The following PSMG4 variants were observed in gnomAD, a reference collection of about 807,000 sequenced individuals.
The protein encoded by PSMG4 is proteasome assembly chaperone 4.
PSMG4 carries 10 observed loss-of-function variants against 11.0 expected under a neutral mutation model. The ratio of observed to expected loss-of-function variants is 0.91; its 90% CI spans 0.56 to 1.54. The LOEUF (loss-of-function observed/expected upper bound fraction) is 1.54. PSMG4 is among the 40% of genes most tolerant of loss of function. The probability of loss-of-function intolerance (pLI) is 0.00; values close to 1 mark genes in which losing one functional copy is unlikely to be tolerated. For missense variants in PSMG4, 198 were observed against 160.9 expected (o/e 1.23, Z -1.25); for synonymous variants, 95 against 71.3 (o/e 1.33, Z -1.68).
chr6:3,263,724 C>T lies in PSMG4; in HGVS notation c.215C>T (p.Ser72Phe). Residue 72 changes from serine to phenylalanine, a missense_variant, in exon 2 of 3, where the codon TCC becomes TTC. Physicochemically the swap from Ser to Phe is radical, Grantham distance 155. Transcript: ENST00000438998. ...PVSTSLLGDT[S>F]DTTSTGLAQR... ...TCTACCTCCCTCCTTGGAGACACTT[C>T]CGACACGACCTCTACTGGCCTTGCC... is the stretch of plus-strand genomic sequence containing the variant. 3 of 1,551,192 alleles carry T rather than the reference C, an allele frequency of 1.9e-6. No homozygotes were observed. Among genetic ancestry groups the T allele is most frequent in the Non-Finnish European group, 2.6e-6 (3 of 1,146,706 alleles).
At chr6:3,258,675 C>T (rs1293659104), upstream of PSMG4, among the ~76,000 whole-genome samples, 1 of 152,130 alleles carries the variant, frequency 6.6e-6, no homozygotes, top group Admixed American at 6.5e-5. Flanking sequence ...GGAAACAAAG[C>T]GAGGGTGAGT....
chr6:3,259,243 G>A, intron 1 of PSMG4, 47 bp downstream of exon 1: 4 of 1,245,288 alleles, frequency 3.2e-6, no homozygotes, highest in Non-Finnish European at 4.0e-6. Context: ...CGGGGGCGCG[G>A]GGGCGCCGGG....
chr6:3,263,016 C>T (rs1246080545), intron 1 of PSMG4, among the ~76,000 whole-genome samples: 7 of 152,194 alleles, frequency 4.6e-5, no homozygotes, highest in Non-Finnish European at 1.0e-4. Context: ...GGAGCAGTTA[C>T]TCCCACATCG....
upstream of PSMG4, among the ~76,000 whole-genome samples, chr6:3,258,096 T>G (rs1350265389): frequency 6.6e-6 from 1 of 152,134 alleles, no homozygotes; most frequent in Non-Finnish European, 1.5e-5. Flanking sequence ...ACCTTCTCTC[T>G]TAACCCATCA....
chr6:3,264,199 T>A, intron 2 of PSMG4: 1 of 1,551,502 alleles, frequency 6.4e-7, no homozygotes, highest in Non-Finnish European at 8.7e-7. Flanking sequence ...CTCAGTGTGA[T>A]ACCGTTCAGG....
intron 1 of PSMG4, among the ~76,000 whole-genome samples, chr6:3,263,403 TGA>T (rs1245087847): frequency 6.6e-6 from 1 of 152,246 alleles, no homozygotes; most frequent in Admixed American, 6.5e-5. Context: ...CTTTGGAGTT[TGA>T]GACACTAAAA....
At chr6:3,255,666 A>T (rs1314374209), upstream of PSMG4, among the ~76,000 whole-genome samples, 1 of 152,196 alleles carries the variant, frequency 6.6e-6, no homozygotes, top group African/African-American at 2.4e-5. Context: ...CGAGAGCCTT[A>T]AGTGATTTGT....
upstream of PSMG4, among the ~76,000 whole-genome samples, chr6:3,256,655 C>A (rs1757776638): frequency 2.6e-5 from 4 of 152,204 alleles, no homozygotes; most frequent in African/African-American, 7.2e-5. Context: ...TTCTTGATTT[C>A]TTTTGATAGT....
chr6:3,259,304 T>G, intron 1 of PSMG4, 108 bp downstream of exon 1: 1 of 1,023,538 alleles, frequency 9.8e-7, no homozygotes, highest in Non-Finnish European at 1.2e-6. Flanking sequence ...CAGGGCGCCC[T>G]ACTCCCCCGA....
At chr6:3,261,994 C>T (rs1418544744) in intron 1 of PSMG4, among the ~76,000 whole-genome samples, 1 of 152,234 alleles carries the variant, frequency 6.6e-6, no homozygotes, top group Non-Finnish European at 1.5e-5. Context: ...TCCCTAAACT[C>T]CCACATGTGA....
intron 1 of PSMG4, among the ~76,000 whole-genome samples, chr6:3,263,177 A>G (rs1758056145): frequency 6.6e-6 from 1 of 152,208 alleles, no homozygotes; most frequent in Non-Finnish European, 1.5e-5. Flanking sequence ...CAAAGTCACA[A>G]GGCACTCGCT....
At position 3,267,756 on chromosome 6, in the gene PSMG4, C is replaced by T. The variant is rs760850660; in HGVS notation, c.*44C>T. On this transcript the variant is annotated 3_prime_UTR_variant, in exon 3 of 3. Transcript: ENST00000438998. Reference sequence around the variant, plus strand: ...AATTTGTAAACTTATGTACAATGTACGTGTAAATAAATGGATTGAATTTCA... The same window carrying T: ...AATTTGTAAACTTATGTACAATGTATGTGTAAATAAATGGATTGAATTTCA... 2.2e-5 allele frequency: 34 copies of T among 1,528,238 alleles called. No homozygotes were observed. Among genetic ancestry groups the T allele is most frequent in the Admixed American group, 2.0e-4 (10 of 49,154 alleles). The allele number at this position is 1,528,238 out of a possible 1,614,324, so 94.7% of individuals were successfully genotyped here.
At chr6:3,262,824 TCTTA>T (rs1397545145) in intron 1 of PSMG4, among the ~76,000 whole-genome samples, 2 of 149,150 alleles carry the variant, frequency 1.3e-5, no homozygotes, top group East Asian at 2.0e-4. Context: ...AGCTAGACCT[TCTTA>T]CTTTATTTTT....
intron 1 of PSMG4, among the ~76,000 whole-genome samples, chr6:3,259,772 C>T (rs535185920): frequency 6.6e-6 from 1 of 152,280 alleles, no homozygotes; most frequent in South Asian, 2.1e-4. Context: ...CAGACAAAAC[C>T]CAAGCCGCCC....
At chr6:3,258,216 T>C (rs538362564), upstream of PSMG4, among the ~76,000 whole-genome samples, 2 of 152,368 alleles carry the variant, frequency 1.3e-5, no homozygotes, top group East Asian at 1.9e-4. Context: ...TAATCTCTCT[T>C]GAGATCCTTT....
chr6:3,254,453 T>TC (rs1446783936), upstream of PSMG4, among the ~76,000 whole-genome samples: 2 of 151,004 alleles, frequency 1.3e-5, no homozygotes, highest in African/African-American at 2.4e-5. Flanking sequence ...GTTTTCTGCT[T>TC]TTTTTGTGTG....
chr6:3,259,344 C>T, intron 1 of PSMG4, 148 bp downstream of exon 1: 1 of 748,752 alleles, frequency 1.3e-6, no homozygotes, highest in Non-Finnish European at 1.8e-6. Flanking sequence ...TTAGGAAGCC[C>T]GCGGGCGCCA....
At position 3,258,949 on chromosome 6, in the gene PSMG4, T is replaced by A; in HGVS notation, c.-74T>A. On this transcript the variant is annotated 5_prime_UTR_variant, in exon 1 of 3. Transcript: ENST00000438998. ...GCGCGCTCGGTCTCTCGGTGCTCGCTCCATCGGGTCTGGCGGGGCTGGCAG... is the reference window on the plus strand; with the variant it reads ...GCGCGCTCGGTCTCTCGGTGCTCGCACCATCGGGTCTGGCGGGGCTGGCAG... 8.3e-7 allele frequency: 1 copy of A among 1,207,654 alleles called. No homozygotes were observed. The highest frequency in any genetic ancestry group is 1.0e-6 in the Non-Finnish European group (1 of 966,010). The allele number at this position is 1,207,654 out of a possible 1,614,324, so 74.8% of individuals were successfully genotyped here.
At chr6:3,258,212 C>G (rs1757831439), upstream of PSMG4, among the ~76,000 whole-genome samples, 1 of 152,176 alleles carries the variant, frequency 6.6e-6, no homozygotes, top group Non-Finnish European at 1.5e-5. Flanking sequence ...CCATTAATCT[C>G]TCTTGAGATC....
Sources: gnomAD v4.1 joint callset for allele counts (sites outside exome capture counted in the v4.1 genomes callset) on GRCh38, gnomAD v4.1.1 for gene constraint, MANE v1.5 for transcripts, NCBI Gene and HGNC (gene_info 2026-07-23, HGNC 2026-07-21) for gene names.